Variants in CFAP61 observed in about 807,000 individuals in gnomAD.
CFAP61 encodes cilia and flagella associated protein 61.
A neutral mutation model predicts 135.6 loss-of-function variants in CFAP61; 107 were observed. The ratio of observed to expected loss-of-function variants is 0.79; its 90% CI spans 0.67 to 0.93. The LOEUF is 0.93. Among genes scored for constraint, CFAP61 ranks in the 40% least tolerant of loss-of-function variants. CFAP61 has a pLI of 0.00. For synonymous variants in CFAP61, 575 were observed against 578.5 expected (o/e 0.99, Z 0.09); for missense variants, 1,507 against 1,556.2 (o/e 0.97, Z 0.53).
At chr20:20,245,999 G>A (rs2050427668) in intron 18 of CFAP61, 118 bp from the exon 19 acceptor site, 2 of 659,836 alleles carry the variant, frequency 3.0e-6, no homozygotes, top group South Asian at 1.9e-5. Context: ...AGAATTAGTA[G>A]CTCCAAAAGC....
intron 2 of CFAP61, among the ~76,000 whole-genome samples, chr20:20,060,792 C>T (rs1315083564): frequency 3.3e-5 from 5 of 152,216 alleles, no homozygotes; most frequent in Admixed American, 1.3e-4. Context: ...CGGAAGTGCT[C>T]CTTCTCAGAA....
intron 22 of CFAP61, among the ~76,000 whole-genome samples, chr20:20,284,699 T>A (rs2054454694): frequency 6.6e-6 from 1 of 152,242 alleles, no homozygotes; most frequent in Admixed American, 6.5e-5. Flanking sequence ...TCACATAAAA[T>A]GTAAAAACCT....
chr20:20,058,125 C>T (rs2044519939), intron 2 of CFAP61, among the ~76,000 whole-genome samples: 1 of 152,100 alleles, frequency 6.6e-6, no homozygotes, highest in Admixed American at 6.5e-5. Flanking sequence ...TAAGCTAAGG[C>T]CAGCCTAAGA....
chr20:20,183,877 C>T (rs530490146), intron 13 of CFAP61, among the ~76,000 whole-genome samples: 2 of 152,108 alleles, frequency 1.3e-5, no homozygotes, highest in Admixed American at 6.5e-5. Flanking sequence ...AGCCATAGCC[C>T]GTTCCTCCCC....
At chr20:20,056,869 G>A (rs1252032873) in intron 2 of CFAP61, 73 bp downstream of exon 2, 1 of 1,426,444 alleles carries the variant, frequency 7.0e-7, no homozygotes, top group African/African-American at 1.4e-5. Flanking sequence ...TGTAATCTCA[G>A]CACTTTGAGA....
chr20:20,059,078 C>A lies in CFAP61; in HGVS notation c.143+2282C>A, dbSNP rs1444321440. On this transcript the variant is annotated intron_variant, in intron 2 of 26. Transcript: ENST00000245957. The stretch of plus-strand genomic sequence containing the variant: ...GGACACAGTGGCTCATGCCTGTAAT[C>A]CCAGCACTTTGGGAGGCCGAGGCAG... 7.9e-5 allele frequency among the ~76,000 whole-genome samples: 12 copies of A among 152,126 alleles called. No homozygotes were observed. In the East Asian group the frequency reaches 2.3e-3, roughly 29 times the overall value.
At chr20:20,180,248 G>A (rs1378159589) in intron 13 of CFAP61, among the ~76,000 whole-genome samples, 1 of 151,764 alleles carries the variant, frequency 6.6e-6, no homozygotes, top group African/African-American at 2.4e-5. Flanking sequence ...AGAATGGCGT[G>A]AACCCGCAAG....
intron 17 of CFAP61, among the ~76,000 whole-genome samples, chr20:20,227,161 T>C (rs1253506188): frequency 6.6e-6 from 1 of 152,182 alleles, no homozygotes; most frequent in Non-Finnish European, 1.5e-5. Flanking sequence ...GGAACCCAAA[T>C]AAGACTTTAC....
At chr20:20,101,921 C>T (rs1041696271) in intron 8 of CFAP61, among the ~76,000 whole-genome samples, 3 of 152,168 alleles carry the variant, frequency 2.0e-5, no homozygotes, top group African/African-American at 7.2e-5. Context: ...AGCCACCATG[C>T]CCGGCCAGTT....
chr20:20,330,898 G>A (rs539011756), intron 25 of CFAP61, among the ~76,000 whole-genome samples: 57 of 152,170 alleles, frequency 3.7e-4, no homozygotes, highest in Non-Finnish European at 7.8e-4. Context: ...CAGCAGTTTT[G>A]TTAACTGTGA....
At chr20:20,176,471 A>T (rs1320720760) in intron 13 of CFAP61, among the ~76,000 whole-genome samples, 1 of 152,214 alleles carries the variant, frequency 6.6e-6, no homozygotes, top group East Asian at 1.9e-4. Context: ...GATAGACTGG[A>T]TAAAGAAAAT....
At chr20:20,148,915 A>G (rs2052148276) in intron 9 of CFAP61, among the ~76,000 whole-genome samples, 3 of 152,192 alleles carry the variant, frequency 2.0e-5, no homozygotes, top group Admixed American at 2.0e-4. Flanking sequence ...ATTCAATATG[A>G]TGTTGACAAT....
rs374146714 is a variant in CFAP61, at chr20:20,324,765, G to GT, written c.3423-17065dup. Among the ~76,000 whole-genome samples, 135 of 152,298 alleles carry GT rather than the reference G, an allele frequency of 8.9e-4. No individual in the cohort carries two copies. The Middle Eastern group carries it at 0.014, about 15-fold the overall frequency. On this transcript the variant is annotated intron_variant, in intron 25 of 26. Transcript: ENST00000245957. ...GCAGGAGGAAGAAAGAGTGGGAAGT[G>GT]TATCTCTCATTGTACTTTCAACTTG...
chr20:20,218,083 C>T (rs1367697893), intron 17 of CFAP61, among the ~76,000 whole-genome samples: 1 of 152,172 alleles, frequency 6.6e-6, no homozygotes, highest in Non-Finnish European at 1.5e-5. Flanking sequence ...ACTTTTCCTG[C>T]TGTCCTAGAA....
intron 26 of CFAP61, among the ~76,000 whole-genome samples, chr20:20,351,588 T>A (rs566863234): frequency 4.7e-4 from 58 of 122,596 alleles, no homozygotes; most frequent in Middle Eastern, 4.1e-3. Flanking sequence ...AAAAAAAAAA[T>A]GTTTATATAC....
At chr20:20,241,201 T>C (rs1447714528) in intron 18 of CFAP61, among the ~76,000 whole-genome samples, 2 of 152,092 alleles carry the variant, frequency 1.3e-5, no homozygotes, top group Non-Finnish European at 2.9e-5. Context: ...GAAGGAAACA[T>C]AAAAATGCCT....
intron 20 of CFAP61, among the ~76,000 whole-genome samples, chr20:20,262,431 T>TCAG (rs2052319697): frequency 6.6e-6 from 1 of 152,176 alleles, no homozygotes; most frequent in African/African-American, 2.4e-5. Context: ...CAACCCCAGC[T>TCAG]CAGATCCAGC....
intron 14 of CFAP61, among the ~76,000 whole-genome samples, chr20:20,190,513 T>C (rs1369934723): frequency 1.3e-5 from 2 of 152,154 alleles, no homozygotes; most frequent in Non-Finnish European, 2.9e-5. Flanking sequence ...ATTAGAACTG[T>C]TCAATATTCT....
At chr20:20,320,367 T>A (rs1601995002) in intron 25 of CFAP61, among the ~76,000 whole-genome samples, 1 of 9,754 alleles carries the variant, frequency 1.0e-4, no homozygotes, top group African/African-American at 2.4e-4. Flanking sequence ...ATATATGTAA[T>A]ATATATTATA....
Sources: allele counts gnomAD v4.1 joint callset (sites outside exome capture counted in the v4.1 genomes callset), GRCh38; gene constraint gnomAD v4.1.1; transcripts MANE v1.5; gene names NCBI Gene and HGNC (gene_info 2026-07-23, HGNC 2026-07-21).